ZNF491: variants seen among roughly 807,000 people sequenced by gnomAD.
ZNF491 encodes zinc finger protein 491.
Under a neutral mutation model 34.7 loss-of-function variants are expected in ZNF491, and 22 were observed. That is an observed-to-expected ratio of 0.63 (90% CI 0.45 to 0.90). ZNF491 has a LOEUF of 0.90. Ranked by LOEUF, ZNF491 falls within the 40% of genes least tolerant of loss-of-function variation. ZNF491 has a pLI of 0.00. For synonymous variants in ZNF491, 148 were observed against 174.3 expected (o/e 0.85, Z 1.19); for missense variants, 559 against 531.7 (o/e 1.05, Z -0.51).
At chr19:11,805,797 T>C (rs910170380) in intron 2 of ZNF491, 150 bp from the exon 3 acceptor site, 6 of 641,496 alleles carry the variant, frequency 9.4e-6, no homozygotes, top group Non-Finnish European at 1.5e-5. Flanking sequence ...CAGTGTGTTA[T>C]GATCACACCA....
chr19:11,806,573 G>A lies in ZNF491; in HGVS notation c.620G>A (p.Arg207Lys), dbSNP rs760189578. The A allele has an allele frequency of 4.3e-6, 7 of 1,614,056 alleles. No individual in the cohort carries two copies. The South Asian group carries it at 7.7e-5, about 18-fold the overall frequency. Residue 207 changes from arginine (R) to lysine (K), a missense_variant, in exon 3 of 3, where the codon AGG (arginine) becomes AAG (lysine). Transcript: ENST00000323169. ...NFSSSFRRHE[R>K]THTGEKPYKC... Reference sequence around the variant, plus strand: ...TCCAGTTCCTTTCGCAGACATGAAAGGACACACACAGGAGAGAAGCCGTAC... The same window carrying A: ...TCCAGTTCCTTTCGCAGACATGAAAAGACACACACAGGAGAGAAGCCGTAC...
chr19:11,803,829 T>C (rs1975579464), intron 1 of ZNF491, among the ~76,000 whole-genome samples: 1 of 152,202 alleles, frequency 6.6e-6, no homozygotes, highest in South Asian at 2.1e-4. Flanking sequence ...ACTCTGTTCT[T>C]TGGAAGTGAG....
Position 11,807,754 on chromosome 19 carries a change from T to A in ZNF491, c.*487T>A. The A allele has an allele frequency of 6.0e-6, 1 of 168,036 alleles. No individual in the cohort carries two copies. 10.4% of individuals were successfully genotyped at this position (168,036 alleles called of 1,614,324 possible). On this transcript the variant is annotated 3_prime_UTR_variant, in exon 3 of 3. Transcript: ENST00000323169. ...TGGGGAATGTTCTCTGATGCTCAAC[T>A]CCCCTAGTCTGCAGATTGAGTTGGT...
intron 1 of ZNF491, among the ~76,000 whole-genome samples, chr19:11,799,646 TC>T (rs1975537387): frequency 6.6e-6 from 1 of 151,888 alleles, no homozygotes; most frequent in Non-Finnish European, 1.5e-5. Context: ...AAAAAATTAG[TC>T]GGGTATGGCC....
rs1975529753 is a variant in ZNF491 at position 11,798,953 on chromosome 19, C to CCCGGCCCCGGAGTCCTCTCTGGGCAGCT, written c.-134+230_-134+257dup. 1 of 152,406 alleles carries CCCGGCCCCGGAGTCCTCTCTGGGCAGCT rather than the reference C, an allele frequency of 6.6e-6. No homozygotes were observed. The highest frequency in any genetic ancestry group is 2.1e-4 in the South Asian group (1 of 4,842). 9.4% of individuals were successfully genotyped at this position (152,406 alleles called of 1,614,324 possible). ...CCCGTCCCTACGCGGCGACTGCGGC[C>CCCGGCCCCGGAGTCCTCTCTGGGCAGCT]CCGGCCCCGGAGTCCTCTCTGGGCA... On this transcript the variant is annotated intron_variant, in intron 1 of 2. Transcript: ENST00000323169. This position sits in a 1 kb window ranked among gnomAD's most constrained non-coding sequence, Gnocchi z 4.0.
In ZNF491 at chr19:11,806,231, A is replaced by T. The variant is rs764938776; in HGVS notation, c.278A>T (p.His93Leu). The change falls in exon 3 of 3, where the codon CAT (histidine) becomes CTT (leucine). Residue 93 changes from histidine to leucine, a missense_variant. Coordinates refer to ENST00000323169, the MANE Select transcript of ZNF491 (RefSeq NM_152356.4). ...ALSHSHCFRT[H>L]ERPHTREKPF... ...AGCCATAGCCACTGCTTTCGAACAC[A>T]TGAAAGGCCTCACACTAGAGAGAAA... 6.2e-7 allele frequency: 1 copy of T among 1,613,114 alleles called. No individual in the cohort carries two copies. The highest frequency in any genetic ancestry group is 1.7e-5 in the Admixed American group (1 of 59,750).
Position 11,805,945 on chromosome 19 carries a change from A to T in ZNF491, c.-7-2A>T. On this transcript the variant is annotated splice_acceptor_variant, in intron 2 of 2. Transcript: ENST00000323169. LOFTEE classifies it low-confidence loss of function (5UTR_SPLICE). ...TAATTATGTGCTTGGCATTTTTCAC[A>T]GAAATTTTATGGGAGAGAGACTCTT... 6.5e-7 allele frequency: 1 copy of T among 1,547,420 alleles called. No individual in the cohort carries two copies. Among genetic ancestry groups the T allele is most frequent in the Non-Finnish European group, 8.7e-7 (1 of 1,153,294 alleles).
chr19:11,804,203 A>AGTC (rs1975584469), intron 1 of ZNF491, among the ~76,000 whole-genome samples: 1 of 113,368 alleles, frequency 8.8e-6, no homozygotes. Flanking sequence ...GCCCCATCTC[A>AGTC]GACAAAAAAA....
In ZNF491 at chr19:11,804,402, G is replaced by A. The variant is rs936991807; in HGVS notation, c.-133-140G>A. 4 of 1,236,022 alleles carry A rather than the reference G, an allele frequency of 3.2e-6. No homozygotes were observed. The African/African-American group carries it at 4.8e-5, about 15-fold the overall frequency. The allele number at this position is 1,236,022 out of a possible 1,614,324, so 76.6% of individuals were successfully genotyped here. A position where few individuals can be genotyped will look rare whatever the true frequency, so the allele number is the denominator to read the frequency against. ...TTTGAGAGGAAGTGAGTGTAGACAG[G>A]GGAGTAAGAGGTCTGATGACAGAGG... On this transcript the variant is annotated intron_variant, in intron 1 of 2. Transcript: ENST00000323169.
intron 1 of ZNF491, among the ~76,000 whole-genome samples, chr19:11,799,502 CT>C (rs34472985): frequency 0.027 from 2,995 of 109,034 alleles, 38 homozygotes; most frequent in African/African-American, 0.042. Context: ...CCCCATAGAG[CT>C]TTTTTTTTTT....
Position 11,806,092 on chromosome 19 carries a change from A to T in ZNF491, c.139A>T (p.Met47Leu). The change falls in exon 3 of 3, where the codon ATG (methionine) becomes TTG (leucine). Residue 47 changes from methionine (M) to leucine (L), a missense_variant. Transcript: ENST00000323169. Reference protein sequence around the residue: ...CESGTCGEIFMGYSSFNRNIR... With the variant: ...CESGTCGEIFLGYSSFNRNIR... ...AAGTGGTACATGTGGAGAAATCTTC[A>T]TGGGATATTCATCCTTTAATAGGAA... is the stretch of plus-strand genomic sequence containing the variant. The T allele has an allele frequency of 6.2e-7, 1 of 1,613,962 alleles. No individual in the cohort carries two copies. The highest frequency in any genetic ancestry group is 8.5e-7 in the Non-Finnish European group (1 of 1,180,022).
intron 1 of ZNF491, among the ~76,000 whole-genome samples, chr19:11,803,170 A>G (rs1446682106): frequency 6.6e-6 from 1 of 151,894 alleles, no homozygotes; most frequent in Non-Finnish European, 1.5e-5. Flanking sequence ...TTTAGTAGAG[A>G]TGGGGTTTTG....
rs1355238509 is a variant in ZNF491 at position 11,807,113 on chromosome 19, A to AT, written c.1162dup (p.Cys388LeufsTer12). ...GGAGAAAAACCTTATGAATGTAAGC[A>AT]TTGTGGGAAAGCCTTCACTTGTTCC... On this transcript the variant is annotated frameshift_variant, in exon 3 of 3. Coordinates refer to ENST00000323169, the MANE Select transcript of ZNF491 (RefSeq NM_152356.4). LOFTEE classifies it high-confidence loss of function. 1 of 1,612,028 alleles carries AT rather than the reference A, an allele frequency of 6.2e-7. No homozygotes were observed. Among genetic ancestry groups the AT allele is most frequent in the Non-Finnish European group, 8.5e-7 (1 of 1,179,358 alleles).
chr19:11,804,206 CAAAAAAAAAAAAAA>C, intron 1 of ZNF491, among the ~76,000 whole-genome samples: 1 of 69,448 alleles, frequency 1.4e-5, no homozygotes, highest in African/African-American at 6.5e-5. Context: ...CCATCTCAGA[CAAAAAAAAAAAAAA>C]AAAAAAAAAA....
In ZNF491 at chr19:11,808,340, C is replaced by T. The variant is rs1269715194; in HGVS notation, c.*1073C>T. Among the ~76,000 whole-genome samples, 1 of 151,420 alleles carries T rather than the reference C, an allele frequency of 6.6e-6. No homozygotes were observed. Among genetic ancestry groups the T allele is most frequent in the Non-Finnish European group, 1.5e-5 (1 of 67,936 alleles). ...GAGGTTGCAGTGAGCCAAGATCACG[C>T]CACTGTACTCCAGCCTGGACAAGAG... On this transcript the variant is annotated 3_prime_UTR_variant, in exon 3 of 3. Transcript: ENST00000323169.
intron 1 of ZNF491, among the ~76,000 whole-genome samples, chr19:11,800,319 A>G (rs1170121057): frequency 6.6e-6 from 1 of 152,126 alleles, no homozygotes; most frequent in Non-Finnish European, 1.5e-5. Flanking sequence ...CTTCCCAGGT[A>G]TGACAGTAAA....
At chr19:11,802,055 T>C (rs1462573194) in intron 1 of ZNF491, among the ~76,000 whole-genome samples, 2 of 152,128 alleles carry the variant, frequency 1.3e-5, no homozygotes, top group East Asian at 1.9e-4. Flanking sequence ...CTGGGCTCAA[T>C]TGATCTTCCT....
chr19:11,807,236 A>C lies in ZNF491; in HGVS notation c.1283A>C (p.Lys428Thr). ...KAFIRSSYCR[K>T]HERTHTINI ...TTCATTCGTTCCAGTTACTGTCGAA[A>C]ACATGAAAGAACTCACACTATTAAT... Residue 428 changes from lysine (K) to threonine (T), a missense_variant, in exon 3 of 3, where the codon AAA (lysine) becomes ACA (threonine). By Grantham distance (78) the Lys-to-Thr change is moderately conservative. Transcript: ENST00000323169. 1 of 1,557,464 alleles carries C rather than the reference A, an allele frequency of 6.4e-7. No homozygotes were observed. The highest frequency in any genetic ancestry group is 8.6e-7 in the Non-Finnish European group (1 of 1,157,708).
In ZNF491 at chr19:11,806,096, G is replaced by A. The variant is rs1169337743; in HGVS notation, c.143G>A (p.Gly48Glu). The A allele has an allele frequency of 6.2e-7, 1 of 1,613,878 alleles. No homozygotes were observed. The highest frequency in any genetic ancestry group is 2.2e-5 in the East Asian group (1 of 44,874). ...ESGTCGEIFM[G>E]YSSFNRNIRT... ...GGTACATGTGGAGAAATCTTCATGGGATATTCATCCTTTAATAGGAACATC... is the reference window on the plus strand; with the variant it reads ...GGTACATGTGGAGAAATCTTCATGGAATATTCATCCTTTAATAGGAACATC... Residue 48 changes from glycine to glutamate, a missense_variant, in exon 3 of 3, where the codon GGA (glycine) becomes GAA (glutamate). Gly to Glu is a moderately conservative substitution (Grantham distance 98). Transcript: ENST00000323169.
Sources: gnomAD v4.1 joint callset for allele counts (sites outside exome capture counted in the v4.1 genomes callset) on GRCh38, gnomAD v4.1.1 for gene constraint, Gnocchi (gnomAD v3.1) non-coding constraint, MANE v1.5 for transcripts, NCBI Gene and HGNC (gene_info 2026-07-23, HGNC 2026-07-21) for gene names.